WNT3A: variants seen among roughly 807,000 people sequenced by gnomAD.
WNT3A encodes the protein Wnt family member 3A, also known as protein Wnt-3a.
In WNT3A, 17 loss-of-function variants were observed where a neutral mutation model predicts 37.0. That is an observed-to-expected ratio of 0.46 (90% CI 0.31 to 0.69). WNT3A has a LOEUF of 0.69. Ranked by LOEUF, WNT3A falls within the 30% of genes least tolerant of loss-of-function variation. The probability of loss-of-function intolerance (pLI) is 0.05; values close to 1 mark genes in which losing one functional copy is unlikely to be tolerated. For missense variants in WNT3A, 411 were observed against 510.2 expected (o/e 0.81, Z 1.87); for synonymous variants, 187 against 211.0 (o/e 0.89, Z 0.99).
At chr1:228,054,134 G>A (rs1158743903) in intron 3 of WNT3A, among the ~76,000 whole-genome samples, 1 of 152,146 alleles carries the variant, frequency 6.6e-6, no homozygotes, top group Non-Finnish European at 1.5e-5. Flanking sequence ...TGACCCTGAA[G>A]AGCAAAGCCA....
At chr1:228,055,214 A>T (rs1473120580) in intron 3 of WNT3A, among the ~76,000 whole-genome samples, 1 of 127,314 alleles carries the variant, frequency 7.9e-6, no homozygotes. Context: ...ATATATATAT[A>T]TATATACACA....
chr1:228,037,891 G>A lies in WNT3A; in HGVS notation c.314-12765G>A, dbSNP rs2031182562. On this transcript the variant is annotated intron_variant, in intron 2 of 3. Transcript: ENST00000284523. This position sits in a 1 kb window ranked among gnomAD's most constrained non-coding sequence, Gnocchi z 4.1. The stretch of plus-strand genomic sequence containing the variant: ...CGTCTGAATGGGGATTTCCCCTCGC[G>A]CCGGACGGCCTGGCGCGCGGCGCAT... Among the ~76,000 whole-genome samples, 1 of 152,220 alleles carries A rather than the reference G, an allele frequency of 6.6e-6. No individual in the cohort carries two copies. Among genetic ancestry groups the A allele is most frequent in the African/African-American group, 2.4e-5 (1 of 41,468 alleles).
At chr1:228,035,865 C>T (rs1487274324) in intron 2 of WNT3A, among the ~76,000 whole-genome samples, 1 of 152,186 alleles carries the variant, frequency 6.6e-6, no homozygotes, top group East Asian at 1.9e-4. Context: ...ATCCTACTAC[C>T]CCCTTCTCCT....
At chr1:228,053,750 A>G (rs2031608734) in intron 3 of WNT3A, among the ~76,000 whole-genome samples, 1 of 152,238 alleles carries the variant, frequency 6.6e-6, no homozygotes, top group African/African-American at 2.4e-5. Context: ...TGAGTCATCA[A>G]GAAAATGCTG....
chr1:228,050,836 T>A lies in WNT3A; in HGVS notation c.494T>A (p.Val165Glu), dbSNP rs1352751814. Residue 165 changes from valine to glutamate, a missense_variant, in exon 3 of 4, where the codon GTG (valine) becomes GAG (glutamate). Physicochemically the swap from Val to Glu is moderately radical, Grantham distance 121. Coordinates refer to ENST00000284523, the MANE Select transcript of WNT3A (RefSeq NM_033131.4). This position sits in a 1 kb window ranked among gnomAD's most constrained non-coding sequence, Gnocchi z 5.0. Reference sequence around the variant, plus strand: ...GAGGACATCGAGTTTGGTGGGATGGTGTCTCGGGAGTTCGCCGACGCCCGG... The same window carrying A: ...GAGGACATCGAGTTTGGTGGGATGGAGTCTCGGGAGTTCGCCGACGCCCGG... ...CSEDIEFGGM[V>E]SREFADAREN... 6.2e-7 allele frequency: 1 copy of A among 1,606,266 alleles called. No homozygotes were observed. Among genetic ancestry groups the A allele is most frequent in the Non-Finnish European group, 8.5e-7 (1 of 1,175,256 alleles).
chr1:228,025,133 G>A (rs1375633068), intron 2 of WNT3A, among the ~76,000 whole-genome samples: 1 of 152,034 alleles, frequency 6.6e-6, no homozygotes, highest in Non-Finnish European at 1.5e-5. Flanking sequence ...AAAAAAGATT[G>A]TTTTGGCTAT....
chr1:228,008,321 G>T lies in WNT3A; in HGVS notation c.71+1122G>T, dbSNP rs2030265768. Among the ~76,000 whole-genome samples the T allele has an allele frequency of 6.6e-6, 1 of 152,170 alleles. No individual in the cohort carries two copies. Among genetic ancestry groups the T allele is most frequent in the South Asian group, 2.1e-4 (1 of 4,834 alleles). ...GGCAGCCTGGAATTATAATAATTACGCCGAGGGGAAGGGGGGAGACCCAGC... is the reference window on the plus strand; with the variant it reads ...GGCAGCCTGGAATTATAATAATTACTCCGAGGGGAAGGGGGGAGACCCAGC... On this transcript the variant is annotated intron_variant, in intron 1 of 3. Coordinates refer to ENST00000284523, the MANE Select transcript of WNT3A (RefSeq NM_033131.4). This position sits in a 1 kb window ranked among gnomAD's most constrained non-coding sequence, Gnocchi z 4.9.
In WNT3A at chr1:228,050,565, TA is replaced by T. The variant is rs2031521397; in HGVS notation, c.314-89del. 2.0e-6 allele frequency: 3 copies of T among 1,470,402 alleles called. No individual in the cohort carries two copies. Among genetic ancestry groups the T allele is most frequent in the Non-Finnish European group, 1.8e-6 (2 of 1,107,746 alleles). 91.1% of individuals were successfully genotyped at this position (1,470,402 alleles called of 1,614,324 possible). ...CCACCCAACCTCACGAGTTCCTTTA[TA>T]ACAATGCAAATGGGCTAAGACCCCT... On this transcript the variant is annotated intron_variant, in intron 2 of 3. Coordinates refer to ENST00000284523, the MANE Select transcript of WNT3A (RefSeq NM_033131.4). The surrounding 1 kb of genome is among the most constrained non-coding windows in gnomAD (Gnocchi z 5.0).
chr1:228,039,695 G>C lies in WNT3A; in HGVS notation c.314-10961G>C, dbSNP rs1214252780. Among the ~76,000 whole-genome samples, 2 of 152,098 alleles carry C rather than the reference G, an allele frequency of 1.3e-5. No individual in the cohort carries two copies. The highest frequency in any genetic ancestry group is 6.5e-5 in the Admixed American group (1 of 15,270). Reference sequence around the variant, plus strand: ...GGTGCCCCCCACCCCAGTTGAACTTGGGTCCCCAGGGCGGCCCTGCAGTGA... The same window carrying C: ...GGTGCCCCCCACCCCAGTTGAACTTCGGTCCCCAGGGCGGCCCTGCAGTGA... On this transcript the variant is annotated intron_variant, in intron 2 of 3. Transcript: ENST00000284523. The surrounding 1 kb of genome is among the most constrained non-coding windows in gnomAD (Gnocchi z 4.1).
chr1:228,030,818 A>T (rs184368520), intron 2 of WNT3A, among the ~76,000 whole-genome samples: 3 of 152,188 alleles, frequency 2.0e-5, no homozygotes, highest in Non-Finnish European at 4.4e-5. Context: ...GCTTGCTCCT[A>T]TCCCCCAACC....
At chr1:228,040,994 T>C in intron 2 of WNT3A, among the ~76,000 whole-genome samples, 1 of 140,448 alleles carries the variant, frequency 7.1e-6, no homozygotes, top group Non-Finnish European at 1.5e-5. Context: ...TATATATATA[T>C]AATATCTACT....
At chr1:228,040,581 C>T (rs1310926800) in intron 2 of WNT3A, among the ~76,000 whole-genome samples, 1 of 152,106 alleles carries the variant, frequency 6.6e-6, no homozygotes, top group African/African-American at 2.4e-5. Context: ...TGTTGTTCAA[C>T]GTTTAAGAAT....
At chr1:228,048,800 C>A (rs1046076940) in intron 2 of WNT3A, among the ~76,000 whole-genome samples, 10 of 152,126 alleles carry the variant, frequency 6.6e-5, no homozygotes, top group African/African-American at 2.4e-4. Context: ...TCTGCATACA[C>A]CCACCCCCAA....
In WNT3A at chr1:228,007,111, G is replaced by C. The variant is rs1477571982; in HGVS notation, c.-18G>C. The C allele has an allele frequency of 3.9e-6, 6 of 1,549,900 alleles. No individual in the cohort carries two copies. On this transcript the variant is annotated 5_prime_UTR_variant, in exon 1 of 4. Transcript: ENST00000284523. This position sits in a 1 kb window ranked among gnomAD's most constrained non-coding sequence, Gnocchi z 6.0. The stretch of plus-strand genomic sequence containing the variant: ...TCTCGGGGCGGACTCCCGGCCCTCC[G>C]CGCCCTCTCGCGCGGCGATGGCCCC...
At chr1:228,022,606 G>A (rs2030734839) in intron 1 of WNT3A, 61 bp from the exon 2 acceptor site, 4 of 1,567,452 alleles carry the variant, frequency 2.6e-6, no homozygotes, top group Non-Finnish European at 3.5e-6. Context: ...AGGGTCTGTA[G>A]CCTGCTCATC....
chr1:228,057,896 A>C (rs530197945), intron 3 of WNT3A, among the ~76,000 whole-genome samples: 2 of 152,224 alleles, frequency 1.3e-5, no homozygotes, highest in Admixed American at 1.3e-4. Flanking sequence ...GATGGAGTGC[A>C]GTGGCGCAAT....
At chr1:228,034,603 T>C (rs1008385785) in intron 2 of WNT3A, among the ~76,000 whole-genome samples, 1 of 152,146 alleles carries the variant, frequency 6.6e-6, no homozygotes, top group African/African-American at 2.4e-5. Context: ...GTTCTAGATG[T>C]GAGAAAAACT....
At position 228,007,710 on chromosome 1, in the gene WNT3A, C is replaced by A. The variant is rs2030241190; in HGVS notation, c.71+511C>A. Among the ~76,000 whole-genome samples the A allele has an allele frequency of 6.6e-6, 1 of 152,112 alleles. No homozygotes were observed. Among genetic ancestry groups the A allele is most frequent in the Admixed American group, 6.5e-5 (1 of 15,282 alleles). ...GTGGTTACGTAAAGAAAGCTGGGAC[C>A]CGGCGGGGAGTGGCGCAGAGCCGGC... On this transcript the variant is annotated intron_variant, in intron 1 of 3. Coordinates refer to ENST00000284523, the MANE Select transcript of WNT3A (RefSeq NM_033131.4). The surrounding 1 kb of genome is among the most constrained non-coding windows in gnomAD (Gnocchi z 6.0).
intron 2 of WNT3A, among the ~76,000 whole-genome samples, chr1:228,024,491 T>C (rs1258993976): frequency 1.3e-5 from 2 of 152,246 alleles, no homozygotes; most frequent in Admixed American, 1.3e-4. Flanking sequence ...TCAAGTCCTT[T>C]GCCCATTTTT....
Sources: gnomAD v4.1 joint callset for allele counts (sites outside exome capture counted in the v4.1 genomes callset) on GRCh38, gnomAD v4.1.1 for gene constraint, Gnocchi (gnomAD v3.1) non-coding constraint, MANE v1.5 for transcripts, NCBI Gene and HGNC (gene_info 2026-07-23, HGNC 2026-07-21) for gene names.